Variants in ACSS3 observed in about 807,000 individuals in gnomAD.
The protein encoded by ACSS3 is acyl-CoA synthetase short-chain family member 3, mitochondrial.
In ACSS3, 64 loss-of-function variants were observed where a neutral mutation model predicts 84.2. The observed-to-expected ratio is 0.76, with a 90% CI of 0.62 to 0.94. The LOEUF is 0.94. Among genes scored for constraint, ACSS3 ranks in the 40% least tolerant of loss-of-function variants. ACSS3 has a pLI of 0.00. For missense variants in ACSS3, 815 were observed against 867.6 expected (o/e 0.94, Z 0.76); for synonymous variants, 317 against 310.1 (o/e 1.02, Z -0.23).
rs182830143 is a variant in ACSS3 at position 81,107,235 on chromosome 12, C to T, written c.312-2325C>T. Among the ~76,000 whole-genome samples the T allele has an allele frequency of 1.7e-4, 26 of 151,300 alleles. No homozygotes were observed. The East Asian group carries it at 3.5e-3, about 20-fold the overall frequency. ...ATATCACAGCCAATAAAAGATGAAG[C>T]AGAGAAAACAAGATGCAACAAACAT... On this transcript the variant is annotated intron_variant, in intron 1 of 15. Coordinates refer to ENST00000548058, the MANE Select transcript of ACSS3 (RefSeq NM_024560.4).
intron 9 of ACSS3, among the ~76,000 whole-genome samples, chr12:81,215,308 T>C (rs1042442720): frequency 6.6e-6 from 1 of 152,144 alleles, no homozygotes; most frequent in African/African-American, 2.4e-5. Context: ...ATGTCTGCTC[T>C]GGTTACTTGC....
At chr12:81,101,116 T>A (rs1328338330) in intron 1 of ACSS3, among the ~76,000 whole-genome samples, 1 of 152,210 alleles carries the variant, frequency 6.6e-6, no homozygotes, top group African/African-American at 2.4e-5. Flanking sequence ...AAAATTTTTA[T>A]GGCCCAGATT....
chr12:81,226,823 TTCATC>T (rs748155714), intron 11 of ACSS3, among the ~76,000 whole-genome samples: 8 of 151,982 alleles, frequency 5.3e-5, no homozygotes, highest in Admixed American at 1.3e-4. Context: ...TGTTATCCAA[TTCATC>T]ACACCAGCTT....
intron 5 of ACSS3, 49 bp downstream of exon 5, chr12:81,143,296 C>T (rs762442962): frequency 7.0e-7 from 1 of 1,430,114 alleles, no homozygotes; most frequent in Non-Finnish European, 9.4e-7. Flanking sequence ...ATTTACTTTG[C>T]ACCAAGAATG....
intron 2 of ACSS3, among the ~76,000 whole-genome samples, chr12:81,113,460 G>A (rs1883773943): frequency 6.6e-6 from 1 of 151,826 alleles, no homozygotes. Context: ...TTTTAATTTA[G>A]CATTTATTAC....
intron 1 of ACSS3, among the ~76,000 whole-genome samples, chr12:81,103,907 T>C (rs1170653538): frequency 6.6e-6 from 1 of 152,186 alleles, no homozygotes; most frequent in East Asian, 1.9e-4. Context: ...TTTCCTTGTA[T>C]GTAAAATGGG....
chr12:81,145,212 G>A (rs1217239397), intron 5 of ACSS3, among the ~76,000 whole-genome samples: 2 of 151,614 alleles, frequency 1.3e-5, no homozygotes, highest in African/African-American at 4.8e-5. Context: ...CACTGCGCCC[G>A]GCCCAGGTTT....
intron 8 of ACSS3, among the ~76,000 whole-genome samples, chr12:81,184,647 A>T (rs887212047): frequency 1.3e-5 from 2 of 151,664 alleles, no homozygotes; most frequent in Non-Finnish European, 3.0e-5. Context: ...GAAGAATTAT[A>T]TGCCAACAAA....
chr12:81,205,690 G>A (rs1017597780), intron 9 of ACSS3, among the ~76,000 whole-genome samples: 1 of 151,900 alleles, frequency 6.6e-6, no homozygotes, highest in Non-Finnish European at 1.5e-5. Context: ...TGAATTCTCA[G>A]ACATTTTTCT....
At chr12:81,162,499 G>A (rs1887201730) in intron 7 of ACSS3, among the ~76,000 whole-genome samples, 1 of 152,184 alleles carries the variant, frequency 6.6e-6, no homozygotes, top group Non-Finnish European at 1.5e-5. Context: ...AGTGCATGCT[G>A]ATTGGCCTAT....
At chr12:81,122,296 A>G (rs909474764) in intron 2 of ACSS3, among the ~76,000 whole-genome samples, 2 of 151,972 alleles carry the variant, frequency 1.3e-5, no homozygotes, top group Non-Finnish European at 2.9e-5. Flanking sequence ...CGGAGAACTC[A>G]TGGGCCCTGA....
At chr12:81,133,477 C>T (rs35393620) in intron 2 of ACSS3, among the ~76,000 whole-genome samples, 9,600 of 152,170 alleles carry the variant, frequency 0.063, 443 homozygotes, top group Middle Eastern at 0.12. Flanking sequence ...GTTCCTTGAT[C>T]GCATCACATA....
At chr12:81,217,933 A>C (rs974819301) in intron 10 of ACSS3, among the ~76,000 whole-genome samples, 1 of 152,194 alleles carries the variant, frequency 6.6e-6, no homozygotes, top group Non-Finnish European at 1.5e-5. Context: ...ATGTGACTAA[A>C]AGCTATAATA....
intron 5 of ACSS3, among the ~76,000 whole-genome samples, chr12:81,147,680 A>C (rs1302440128): frequency 6.6e-6 from 1 of 152,162 alleles, no homozygotes; most frequent in South Asian, 2.1e-4. Context: ...CTCTAGAAAA[A>C]GGGGATGCCA....
intron 8 of ACSS3, 63 bp from the exon 9 acceptor site, chr12:81,199,278 T>C: frequency 1.4e-6 from 2 of 1,437,554 alleles, no homozygotes; most frequent in South Asian, 1.3e-5. Flanking sequence ...GTTTTTAAAA[T>C]GTAAATACAA....
chr12:81,217,912 A>G (rs2032979590), intron 10 of ACSS3, among the ~76,000 whole-genome samples: 1 of 152,160 alleles, frequency 6.6e-6, no homozygotes, highest in Non-Finnish European at 1.5e-5. Flanking sequence ...CATTTCTTTG[A>G]TGCTGGCTTT....
chr12:81,100,306 G>C (rs1882408604), intron 1 of ACSS3, among the ~76,000 whole-genome samples: 1 of 147,678 alleles, frequency 6.8e-6, no homozygotes. Context: ...GATTATAGGA[G>C]AAAATAGAAA....
intron 9 of ACSS3, among the ~76,000 whole-genome samples, chr12:81,213,204 G>A (rs1169673956): frequency 6.6e-6 from 1 of 152,114 alleles, no homozygotes; most frequent in Non-Finnish European, 1.5e-5. Flanking sequence ...TCCTGGAAAT[G>A]GGGCTTTGGG....
intron 1 of ACSS3, among the ~76,000 whole-genome samples, chr12:81,089,268 A>G (rs1237450521): frequency 6.6e-6 from 1 of 151,662 alleles, no homozygotes; most frequent in African/African-American, 2.4e-5. Context: ...AAATACGTTG[A>G]TGTGTACTAT....
Sources: gnomAD v4.1 joint callset for allele counts (sites outside exome capture counted in the v4.1 genomes callset) on GRCh38, gnomAD v4.1.1 for gene constraint, MANE v1.5 for transcripts, NCBI Gene and HGNC (gene_info 2026-07-23, HGNC 2026-07-21) for gene names.